Variants in TCF7L2 observed in about 807,000 individuals in gnomAD.
The protein encoded by TCF7L2 is transcription factor 7 like 2.
TCF7L2 carries 23 observed loss-of-function variants against 77.9 expected under a neutral mutation model. The observed-to-expected ratio is 0.30, with a 90% CI of 0.21 to 0.42. The LOEUF is 0.42. Among genes scored for constraint, TCF7L2 ranks in the 10% least tolerant of loss-of-function variants. The pLI is 1.00. For missense variants in TCF7L2, 654 were observed against 793.1 expected (o/e 0.82, Z 2.11); for synonymous variants, 413 against 340.2 (o/e 1.21, Z -2.36).
At chr10:113,100,350 G>T (rs1412773649) in intron 5 of TCF7L2, among the ~76,000 whole-genome samples, 4 of 152,204 alleles carry the variant, frequency 2.6e-5, no homozygotes, top group Non-Finnish European at 5.9e-5. Flanking sequence ...TCACTGTGGG[G>T]TCTTAATTCT....
At chr10:113,114,346 G>A (rs1406563425) in intron 5 of TCF7L2, among the ~76,000 whole-genome samples, 1 of 152,034 alleles carries the variant, frequency 6.6e-6, no homozygotes, top group African/African-American at 2.4e-5. Context: ...TATTGATACC[G>A]GTTTGTAGGT....
chr10:113,091,592 C>T (rs529134044), intron 5 of TCF7L2, among the ~76,000 whole-genome samples: 5 of 152,186 alleles, frequency 3.3e-5, no homozygotes, highest in Non-Finnish European at 7.3e-5. Flanking sequence ...TGGCGCGTGC[C>T]CGTACTCCCA....
intron 4 of TCF7L2, among the ~76,000 whole-genome samples, chr10:113,029,939 A>T (rs1339851440): frequency 6.6e-6 from 1 of 152,142 alleles, no homozygotes; most frequent in Admixed American, 6.5e-5. Flanking sequence ...CACGTCATAA[A>T]ATGTACCCAT....
intron 5 of TCF7L2, among the ~76,000 whole-genome samples, chr10:113,072,892 G>A (rs1421552838): frequency 6.6e-6 from 1 of 152,170 alleles, no homozygotes; most frequent in Non-Finnish European, 1.5e-5. Context: ...GATTGTGATG[G>A]CACTGGGCCT....
intron 5 of TCF7L2, among the ~76,000 whole-genome samples, chr10:113,096,651 T>G (rs949826576): frequency 8.5e-5 from 13 of 152,168 alleles, no homozygotes. Context: ...TGGCCTCTTC[T>G]GTGGGGGCCA....
intron 5 of TCF7L2, among the ~76,000 whole-genome samples, chr10:113,046,400 A>G (rs2053465439): frequency 1.3e-5 from 2 of 151,990 alleles, no homozygotes; most frequent in African/African-American, 4.8e-5. Flanking sequence ...TGGGGGCTCT[A>G]TCTCCTGGTG....
intron 5 of TCF7L2, among the ~76,000 whole-genome samples, chr10:113,117,326 T>C (rs534372789): frequency 6.6e-6 from 1 of 151,200 alleles, no homozygotes; most frequent in South Asian, 2.1e-4. Context: ...TCCTAGATGC[T>C]ACAACCTGAA....
At chr10:112,999,621 T>G (rs1351664097) in intron 4 of TCF7L2, among the ~76,000 whole-genome samples, 2 of 152,178 alleles carry the variant, frequency 1.3e-5, no homozygotes, top group African/African-American at 4.8e-5. Flanking sequence ...AAAAATGGAA[T>G]ACGCTGAAAT....
chr10:113,030,818 G>A (rs1458406977), intron 4 of TCF7L2, among the ~76,000 whole-genome samples: 1 of 152,184 alleles, frequency 6.6e-6, no homozygotes, highest in Admixed American at 6.5e-5. Flanking sequence ...TGGTGGTGGA[G>A]CTGACATTTG....
chr10:113,114,284 T>C (rs1001566607), intron 5 of TCF7L2, among the ~76,000 whole-genome samples: 6 of 152,198 alleles, frequency 3.9e-5, no homozygotes, highest in African/African-American at 9.7e-5. Context: ...TATATAATGG[T>C]CTTTGTCTTA....
intron 4 of TCF7L2, among the ~76,000 whole-genome samples, chr10:112,985,523 A>G (rs953187429): frequency 1.3e-5 from 2 of 152,220 alleles, no homozygotes; most frequent in African/African-American, 2.4e-5. Context: ...CAGAAACAAC[A>G]TGCCTGTCTT....
At chr10:113,027,422 CTT>C (rs2049381917) in intron 4 of TCF7L2, among the ~76,000 whole-genome samples, 1 of 152,158 alleles carries the variant, frequency 6.6e-6, no homozygotes, top group African/African-American at 2.4e-5. Flanking sequence ...GGGAGAAAGT[CTT>C]TCTTAAAACA....
chr10:113,057,841 G>A (rs145174243), intron 5 of TCF7L2, among the ~76,000 whole-genome samples: 3 of 152,106 alleles, frequency 2.0e-5, no homozygotes, highest in Non-Finnish European at 2.9e-5. Context: ...GCTCTCTGTC[G>A]GCTGAAAATG....
intron 3 of TCF7L2, among the ~76,000 whole-genome samples, chr10:112,963,542 T>A (rs2035829967): frequency 1.3e-5 from 2 of 152,268 alleles, no homozygotes; most frequent in Non-Finnish European, 2.9e-5. Context: ...CACAGGGTCA[T>A]CTGATTCCTC....
intron 4 of TCF7L2, among the ~76,000 whole-genome samples, chr10:113,016,353 C>T (rs1245185415): frequency 6.6e-6 from 1 of 152,190 alleles, no homozygotes; most frequent in Non-Finnish European, 1.5e-5. Flanking sequence ...AGGCATGAGC[C>T]TGGCTGGTGT....
At chr10:112,958,000 C>T (rs937141198) in intron 3 of TCF7L2, among the ~76,000 whole-genome samples, 7 of 152,102 alleles carry the variant, frequency 4.6e-5, no homozygotes, top group Admixed American at 2.6e-4. Context: ...AGACCCAGGC[C>T]GAAAGGTTTT....
At chr10:113,108,293 A>G (rs1375329155) in intron 5 of TCF7L2, among the ~76,000 whole-genome samples, 1 of 152,124 alleles carries the variant, frequency 6.6e-6, no homozygotes, top group Non-Finnish European at 1.5e-5. Context: ...GCCTGAGGTG[A>G]AGTGGGGAAT....
chr10:113,034,512 T>C (rs1410212698), intron 4 of TCF7L2, among the ~76,000 whole-genome samples: 1 of 152,226 alleles, frequency 6.6e-6, no homozygotes, highest in African/African-American at 2.4e-5. Flanking sequence ...ATTGATTTTG[T>C]ATTTGGTTAA....
chr10:113,003,431 G>A (rs1374729886), intron 4 of TCF7L2, among the ~76,000 whole-genome samples: 1 of 152,232 alleles, frequency 6.6e-6, no homozygotes, highest in Non-Finnish European at 1.5e-5. Context: ...ATGGCTTGGG[G>A]ATGGTCTCTG....
Sources: gnomAD v4.1 joint callset for allele counts (sites outside exome capture counted in the v4.1 genomes callset) on GRCh38, gnomAD v4.1.1 for gene constraint, MANE v1.5 for transcripts, NCBI Gene and HGNC (gene_info 2026-07-23, HGNC 2026-07-21) for gene names.